The following PNPLA7 variants were observed in gnomAD, a reference collection of about 807,000 sequenced individuals.
The protein encoded by PNPLA7 is patatin-like phospholipase domain-containing protein 7.
In PNPLA7, 153 loss-of-function variants were observed where a neutral mutation model predicts 161.7. The ratio of observed to expected loss-of-function variants is 0.95; its 90% CI spans 0.83 to 1.08. The LOEUF is 1.08. PNPLA7 is among the 50% of genes least tolerant of loss of function. The pLI is 0.00. For missense variants in PNPLA7, 1,739 were observed against 1,856.6 expected (o/e 0.94, Z 1.16); for synonymous variants, 809 against 782.1 (o/e 1.03, Z -0.57).
chr9:137,480,909 G>C (rs1226430014), intron 22 of PNPLA7, 51 bp downstream of exon 22: 1 of 1,529,650 alleles, frequency 6.5e-7, no homozygotes, highest in Non-Finnish European at 8.9e-7. Context: ...ACACATCTCA[G>C]GGCTGCGTTG....
At chr9:137,515,798 C>T (rs1389633026) in intron 11 of PNPLA7, among the ~76,000 whole-genome samples, 15 of 107,712 alleles carry the variant, frequency 1.4e-4, no homozygotes, top group African/African-American at 5.3e-4. Flanking sequence ...TCCCCCTTCC[C>T]CCAAATCCCC....
At position 137,540,571 on chromosome 9, in the gene PNPLA7, A is replaced by G. The variant is rs1588709811; in HGVS notation, c.747+71T>C. The G allele has an allele frequency of 6.6e-6, 9 of 1,354,200 alleles. No individual in the cohort carries two copies. The highest frequency in any genetic ancestry group is 8.2e-6 in the Non-Finnish European group (8 of 975,410). The allele number at this position is 1,354,200 out of a possible 1,614,324, so 83.9% of individuals were successfully genotyped here. A position where few individuals can be genotyped will look rare whatever the true frequency, so the allele number is the denominator to read the frequency against. ...CCTTTAACCACTACCAGCTGTCCAG[A>G]CAAGACAGAAAAACCAGGCCTCCGG... On this transcript the variant is annotated intron_variant, in intron 8 of 34. Coordinates refer to ENST00000406427, the MANE Select transcript of PNPLA7 (RefSeq NM_001098537.3). The surrounding 1 kb of genome is among the most constrained non-coding windows in gnomAD (Gnocchi z 5.1).
rs4962240 is a variant in PNPLA7, at chr9:137,461,922, C to A, written c.3756+9G>T. The A allele has an allele frequency of 0.5, 772,692 of 1,553,862 alleles. 196,876 individuals carry two copies. Among genetic ancestry groups the A allele is most frequent in the Admixed American group, 0.56 (29,476 of 52,952 alleles). ...GGGAGCTGGGCGTGGTCCGGACGCC[C>A]GTACTCACCGCACTCGCGGGCTTCT... On this transcript the variant is annotated intron_variant, in intron 32 of 34. Coordinates refer to ENST00000406427, the MANE Select transcript of PNPLA7 (RefSeq NM_001098537.3).
intron 21 of PNPLA7, among the ~76,000 whole-genome samples, chr9:137,481,376 C>T (rs751313069): frequency 1.3e-5 from 2 of 152,180 alleles, no homozygotes; most frequent in Non-Finnish European, 2.9e-5. Context: ...GAAGGCTGTG[C>T]GATGGGAGAT....
rs1833493686 is a variant in PNPLA7 at position 137,502,476 on chromosome 9, G to C, written c.1474-749C>G. On this transcript the variant is annotated intron_variant, in intron 14 of 34. Coordinates refer to ENST00000406427, the MANE Select transcript of PNPLA7 (RefSeq NM_001098537.3). ...CATGTCGCCAAAAGTTTGTCAAACA[G>C]GAGGGAGAAAGAGATGGAGGAGGAT... is the stretch of plus-strand genomic sequence containing the variant. Among the ~76,000 whole-genome samples, 5 of 149,672 alleles carry C rather than the reference G, an allele frequency of 3.3e-5. No homozygotes were observed. The South Asian group carries it at 1.1e-3, about 32-fold the overall frequency.
chr9:137,527,556 C>T (rs1226564076), intron 8 of PNPLA7, among the ~76,000 whole-genome samples: 3 of 152,182 alleles, frequency 2.0e-5, no homozygotes, highest in Admixed American at 6.5e-5. Flanking sequence ...AACATTACAT[C>T]AACTGATTTT....
In PNPLA7 at chr9:137,500,646, G is replaced by C. The variant is rs746205850; in HGVS notation, c.1757+45C>G. 23 of 1,576,910 alleles carry C rather than the reference G, an allele frequency of 1.5e-5. No homozygotes were observed. In the Admixed American group the frequency reaches 3.1e-4, roughly 21 times the overall value. On this transcript the variant is annotated intron_variant, in intron 16 of 34. Transcript: ENST00000406427. This position sits in a 1 kb window ranked among gnomAD's most constrained non-coding sequence, Gnocchi z 5.5. Reference sequence around the variant, plus strand: ...CCACGCGGGGAGGGGTCTCAGGGCAGGGGGGGCTGGGGCCCGCCCTGAGGT... The same window carrying C: ...CCACGCGGGGAGGGGTCTCAGGGCACGGGGGGCTGGGGCCCGCCCTGAGGT...
rs1041292756 is a variant in PNPLA7, at chr9:137,496,140, T to A, written c.2014-994A>T. The stretch of plus-strand genomic sequence containing the variant: ...TTTCAGACGGAGTTTAGTTTTTTTT[T>A]GTTTTTTTTTTTTTGAGATAGAGTT... On this transcript the variant is annotated intron_variant, in intron 18 of 34. Transcript: ENST00000406427. Among the ~76,000 whole-genome samples, 12 of 119,700 alleles carry A rather than the reference T, an allele frequency of 1.0e-4. No homozygotes were observed. In the East Asian group the frequency reaches 3.1e-3, roughly 31 times the overall value. The allele number at this position is 119,700 out of a possible 152,430, so 78.5% of individuals were successfully genotyped here.
intron 11 of PNPLA7, among the ~76,000 whole-genome samples, chr9:137,519,053 C>T (rs1037723609): frequency 6.7e-6 from 1 of 150,016 alleles, no homozygotes; most frequent in Non-Finnish European, 1.5e-5. Flanking sequence ...CACTCCATCC[C>T]ACACTCACTC....
At chr9:137,474,777 C>G (rs949241056) in intron 25 of PNPLA7, among the ~76,000 whole-genome samples, 1 of 151,062 alleles carries the variant, frequency 6.6e-6, no homozygotes, top group Non-Finnish European at 1.5e-5. Context: ...CTTTGGGAGG[C>G]CAAGGCAGGC....
intron 13 of PNPLA7, 93 bp downstream of exon 13, chr9:137,505,890 T>C: frequency 3.9e-6 from 6 of 1,533,180 alleles, no homozygotes; most frequent in Non-Finnish European, 5.4e-6. Flanking sequence ...AGGTGCCACA[T>C]GACACCAAAG....
chr9:137,533,069 A>G (rs1835663908), intron 8 of PNPLA7, among the ~76,000 whole-genome samples: 1 of 147,484 alleles, frequency 6.8e-6, no homozygotes, highest in Non-Finnish European at 1.5e-5. Flanking sequence ...TCCAGATGGG[A>G]GCACTCTCAG....
In PNPLA7 at chr9:137,467,244, G is replaced by C; in HGVS notation, c.3039+73C>G. ...TGCAGAGCCACATGCAGAGGCCAAC[G>C]GCCCCAGCGTCCCCCAGCACCAGCA... On this transcript the variant is annotated intron_variant, in intron 26 of 34. Coordinates refer to ENST00000406427, the MANE Select transcript of PNPLA7 (RefSeq NM_001098537.3). The surrounding 1 kb of genome is among the most constrained non-coding windows in gnomAD (Gnocchi z 5.1). 6.6e-7 allele frequency: 1 copy of C among 1,510,280 alleles called. No homozygotes were observed. The highest frequency in any genetic ancestry group is 1.4e-5 in the African/African-American group (1 of 72,480). The allele number at this position is 1,510,280 out of a possible 1,614,324, so 93.6% of individuals were successfully genotyped here.
intron 21 of PNPLA7, among the ~76,000 whole-genome samples, chr9:137,482,297 A>C (rs1832259341): frequency 1.3e-5 from 2 of 152,250 alleles, no homozygotes; most frequent in Admixed American, 1.3e-4. Flanking sequence ...TGTTTACAGC[A>C]GCTTCACTCA....
chr9:137,516,311 A>C, intron 11 of PNPLA7: 1 of 983,872 alleles, frequency 1.0e-6, no homozygotes, highest in Non-Finnish European at 1.2e-6. Flanking sequence ...CCTCAGGTGA[A>C]ACGAGGAAGG....
At position 137,462,088 on chromosome 9, in the gene PNPLA7, ACTTC is replaced by A. The variant is rs541914326; in HGVS notation, c.3646-51_3646-48del. ...CGTCAGGAGGTGTGGGGAGCCCCCC[ACTTC>A]CTGTGTTCTCAAAAGGGGGAAGCGA... On this transcript the variant is annotated intron_variant, in intron 31 of 34. Transcript: ENST00000406427. 1.2e-4 allele frequency: 189 copies of A among 1,523,832 alleles called. 1 individual carries two copies. In the African/African-American group the frequency reaches 1.4e-3, roughly 11 times the overall value. 94.4% of individuals were successfully genotyped at this position (1,523,832 alleles called of 1,614,324 possible). A position where few individuals can be genotyped will look rare whatever the true frequency, so the allele number is the denominator to read the frequency against.
chr9:137,498,044 C>G, intron 17 of PNPLA7, 70 bp downstream of exon 17: 1 of 1,571,982 alleles, frequency 6.4e-7, no homozygotes, highest in South Asian at 1.2e-5. Context: ...GGTAACCGTG[C>G]TTTGCCCATC....
At chr9:137,505,907 G>A in intron 13 of PNPLA7, 76 bp downstream of exon 13, 1 of 1,535,212 alleles carries the variant, frequency 6.5e-7, no homozygotes, top group Non-Finnish European at 8.9e-7. Flanking sequence ...AAAGCCGGCG[G>A]CGCCCCCAAT....
intron 20 of PNPLA7, chr9:137,491,816 A>G: frequency 1.0e-6 from 1 of 985,434 alleles, no homozygotes; most frequent in African/African-American, 1.7e-5. Context: ...TCACACGCCA[A>G]TGCCAGAGGC....
Sources: gnomAD v4.1 joint callset for allele counts (sites outside exome capture counted in the v4.1 genomes callset) on GRCh38, gnomAD v4.1.1 for gene constraint, Gnocchi (gnomAD v3.1) non-coding constraint, MANE v1.5 for transcripts, NCBI Gene and HGNC (gene_info 2026-07-23, HGNC 2026-07-21) for gene names.